Variants in ENAH observed in about 807,000 individuals in gnomAD.
ENAH encodes ENAH actin regulator.
In ENAH, 23 loss-of-function variants were observed where a neutral mutation model predicts 78.7. The ratio of observed to expected loss-of-function variants is 0.29; its 90% confidence interval spans 0.21 to 0.41. The LOEUF (loss-of-function observed/expected upper bound fraction) is 0.41. Ranked by LOEUF, ENAH falls within the 10% of genes least tolerant of loss-of-function variation. ENAH has a pLI of 1.00. For missense variants in ENAH, 544 were observed against 691.0 expected (o/e 0.79, Z 2.39); for synonymous variants, 226 against 241.0 (o/e 0.94, Z 0.58).
rs2078270 is a variant in ENAH, at chr1:225,632,843, A to T, written c.5+19843T>A. On this transcript the variant is annotated intron_variant, in intron 1 of 13. Transcript: ENST00000366843. ...AAAAGTTCAAATTATTTTGAATAAA[A>T]CACTTAGGGTAAGGTGCATATAGGC... Among the ~76,000 whole-genome samples the T allele has an allele frequency of 5.1e-3, 780 of 152,334 alleles. 10 individuals are homozygous for T. The highest frequency in any genetic ancestry group is 0.018 in the African/African-American group (733 of 41,584).
chr1:225,615,456 G>T (rs1575732356), intron 1 of ENAH, among the ~76,000 whole-genome samples: 1 of 152,254 alleles, frequency 6.6e-6, no homozygotes, highest in South Asian at 2.1e-4. Context: ...GCCTCTGCCT[G>T]GCCGCCACCC....
chr1:225,496,684 G>A lies in ENAH; in HGVS notation c.*1091C>T, dbSNP rs982915189. 1.3e-5 allele frequency: 2 copies of A among 152,554 alleles called. No homozygotes were observed. Among genetic ancestry groups the A allele is most frequent in the African/African-American group, 4.8e-5 (2 of 41,418 alleles). 9.5% of individuals were successfully genotyped at this position (152,554 alleles called of 1,614,324 possible). A position where few individuals can be genotyped will look rare whatever the true frequency, so the allele number is the denominator to read the frequency against. ...ACATGATGTAAAAGATTAAGTACTT[G>A]GTTTTGTAACATATTTACCAATTAA... On this transcript the variant is annotated 3_prime_UTR_variant, in exon 14 of 14. Coordinates refer to ENST00000366843, the MANE Select transcript of ENAH (RefSeq NM_018212.6).
chr1:225,531,182 C>T (rs577761331), intron 3 of ENAH: 9 of 396,258 alleles, frequency 2.3e-5, no homozygotes, highest in Non-Finnish European at 4.0e-5. Flanking sequence ...CTAGCATTTC[C>T]AGCACTGGTG....
chr1:225,537,143 A>G (rs1251049316), intron 3 of ENAH, among the ~76,000 whole-genome samples: 2 of 152,152 alleles, frequency 1.3e-5, no homozygotes, highest in Non-Finnish European at 2.9e-5. Context: ...AAAAAAACCC[A>G]TAAGGACAAT....
intron 4 of ENAH, among the ~76,000 whole-genome samples, chr1:225,523,432 G>T (rs2096484365): frequency 6.6e-6 from 1 of 151,786 alleles, no homozygotes; most frequent in African/African-American, 2.4e-5. Context: ...GGGTTTTCAG[G>T]CTATAAAAGA....
intron 1 of ENAH, chr1:225,581,212 A>G (rs1366957261): frequency 1.1e-6 from 1 of 895,728 alleles, no homozygotes; most frequent in African/African-American, 1.8e-5. Context: ...TCTCCCATTA[A>G]TAAGAAACTT....
intron 1 of ENAH, among the ~76,000 whole-genome samples, chr1:225,612,168 G>C (rs1487579679): frequency 2.0e-5 from 3 of 152,182 alleles, no homozygotes; most frequent in Non-Finnish European, 4.4e-5. Context: ...GAGCTAAATG[G>C]TGGAAATGAC....
rs1663320802 is a variant in ENAH, at chr1:225,652,921, C to T, written c.-231G>A. 2 of 389,560 alleles carry T rather than the reference C, an allele frequency of 5.1e-6. No homozygotes were observed. The highest frequency in any genetic ancestry group is 4.5e-5 in the Admixed American group (1 of 22,358). 24.1% of individuals were successfully genotyped at this position (389,560 alleles called of 1,614,324 possible). On this transcript the variant is annotated 5_prime_UTR_variant, in exon 1 of 14. Transcript: ENST00000366843. ...AAGGCTGGGGAGGGGGCGGAGAGGC[C>T]GAGGCGCGGAGCTGGTCCCCAGGCG...
At chr1:225,627,351 C>G (rs1658138472) in intron 1 of ENAH, among the ~76,000 whole-genome samples, 1 of 152,022 alleles carries the variant, frequency 6.6e-6, no homozygotes, top group East Asian at 1.9e-4. Context: ...AAAAATAAAT[C>G]TAGGAATAAG....
chr1:225,651,393 T>C (rs967015384), intron 1 of ENAH, among the ~76,000 whole-genome samples: 9 of 151,202 alleles, frequency 6.0e-5, no homozygotes, highest in Admixed American at 4.6e-4. Flanking sequence ...TTAACCTTGA[T>C]AGAAAAAAAA....
At chr1:225,505,712 A>T (rs889986839) in intron 11 of ENAH, among the ~76,000 whole-genome samples, 1 of 152,232 alleles carries the variant, frequency 6.6e-6, no homozygotes, top group Non-Finnish European at 1.5e-5. Flanking sequence ...AACATATTTT[A>T]AAAATCCTTT....
intron 1 of ENAH, among the ~76,000 whole-genome samples, chr1:225,638,485 C>A (rs981508000): frequency 6.6e-6 from 1 of 152,156 alleles, no homozygotes; most frequent in Non-Finnish European, 1.5e-5. Flanking sequence ...TGTCTCCTCC[C>A]CCACTAAACT....
rs1244448291 is a variant in ENAH at position 225,495,672 on chromosome 1, A to G, written c.*2103T>C. 6.6e-6 allele frequency: 1 copy of G among 152,534 alleles called. No homozygotes were observed. The highest frequency in any genetic ancestry group is 1.5e-5 in the Non-Finnish European group (1 of 68,022). 9.4% of individuals were successfully genotyped at this position (152,534 alleles called of 1,614,324 possible). On this transcript the variant is annotated 3_prime_UTR_variant, in exon 14 of 14. Transcript: ENST00000366843. The stretch of plus-strand genomic sequence containing the variant: ...TCAAAAGAGGTTGCTGACCAGATTT[A>G]TAGGGGACATAACTGTTTATATTAT...
chr1:225,511,925 T>C, intron 9 of ENAH, 66 bp from the exon 10 acceptor site: 2 of 1,057,440 alleles, frequency 1.9e-6, no homozygotes, highest in Non-Finnish European at 2.8e-6. Context: ...CATTTAGTGT[T>C]TTACACGAAC....
At chr1:225,641,065 G>C (rs1376559385) in intron 1 of ENAH, among the ~76,000 whole-genome samples, 1 of 150,962 alleles carries the variant, frequency 6.6e-6, no homozygotes, top group South Asian at 2.1e-4. Context: ...GGGTTTCACC[G>C]TGTTAGCCAG....
At chr1:225,634,292 T>C (rs1333152902) in intron 1 of ENAH, among the ~76,000 whole-genome samples, 1 of 152,254 alleles carries the variant, frequency 6.6e-6, no homozygotes, top group African/African-American at 2.4e-5. Flanking sequence ...GAGTTTAAAA[T>C]ATGTTGAACA....
intron 10 of ENAH, among the ~76,000 whole-genome samples, chr1:225,510,699 TAAAA>T (rs770906084): frequency 2.8e-5 from 3 of 106,040 alleles, no homozygotes; most frequent in African/African-American, 3.6e-5. Flanking sequence ...CAGAGGTACT[TAAAA>T]AAAAAAAAAA....
intron 2 of ENAH, among the ~76,000 whole-genome samples, chr1:225,556,442 T>G (rs534577311): frequency 6.6e-6 from 1 of 152,312 alleles, no homozygotes; most frequent in East Asian, 1.9e-4. Context: ...AGTTTTAGTT[T>G]GCATTTCCCT....
At chr1:225,562,133 G>A (rs1353314442) in intron 2 of ENAH, among the ~76,000 whole-genome samples, 1 of 151,874 alleles carries the variant, frequency 6.6e-6, no homozygotes, top group Non-Finnish European at 1.5e-5. Flanking sequence ...ATGGTAGTCA[G>A]GCTCTTCTCA....
Sources: gnomAD v4.1 joint callset for allele counts (sites outside exome capture counted in the v4.1 genomes callset) on GRCh38, gnomAD v4.1.1 for gene constraint, MANE v1.5 for transcripts, NCBI Gene and HGNC (gene_info 2026-07-23, HGNC 2026-07-21) for gene names.